The following SRGAP2B variants were observed in gnomAD, a reference collection of about 807,000 sequenced individuals.
SRGAP2B encodes SLIT-ROBO Rho GTPase activating protein 2B.
A neutral mutation model predicts 22.2 loss-of-function variants in SRGAP2B; 9 were observed. The observed-to-expected ratio is 0.41, with a 90% confidence interval of 0.24 to 0.71. The LOEUF (loss-of-function observed/expected upper bound fraction) is 0.71, where lower values mean the gene tolerates loss of function less well. SRGAP2B is among the 30% of genes least tolerant of loss of function. The pLI, the probability that SRGAP2B is intolerant of heterozygous loss-of-function variation, is 0.35. For missense variants in SRGAP2B, 114 were observed against 235.8 expected (o/e 0.48, Z 3.38); for synonymous variants, 36 against 87.4 (o/e 0.41, Z 3.28).
chr1:145,041,369 C>T (rs1486123785), intron 2 of SRGAP2B, among the ~76,000 whole-genome samples: 1 of 134,722 alleles, frequency 7.4e-6, no homozygotes, highest in Non-Finnish European at 1.6e-5. Flanking sequence ...CACCTGTAAT[C>T]GCAGCACCTT....
chr1:145,045,314 G>A (rs1311837768), intron 2 of SRGAP2B, among the ~76,000 whole-genome samples: 1 of 139,872 alleles, frequency 7.1e-6, no homozygotes, highest in Admixed American at 7.2e-5. Context: ...AAAAAAAAAA[G>A]AAAGAAAGAA....
At chr1:144,934,215 G>A (rs1470418378) in intron 4 of SRGAP2B, among the ~76,000 whole-genome samples, 1 of 150,422 alleles carries the variant, frequency 6.6e-6, no homozygotes, top group Non-Finnish European at 1.5e-5. Flanking sequence ...GACTAGCCTG[G>A]CCAACATAGT....
intron 2 of SRGAP2B, among the ~76,000 whole-genome samples, chr1:145,006,684 G>A (rs1246985113): frequency 1.3e-5 from 2 of 150,844 alleles, no homozygotes; most frequent in Admixed American, 1.3e-4. Flanking sequence ...TGATTTAGTT[G>A]ACCACAGTTT....
At chr1:144,966,721 T>C (rs1399287372) in intron 3 of SRGAP2B, among the ~76,000 whole-genome samples, 3 of 147,162 alleles carry the variant, frequency 2.0e-5, no homozygotes, top group African/African-American at 8.1e-5. Flanking sequence ...TCAAGACCCA[T>C]CAGTGTGCTG....
chr1:145,007,481 C>T (rs1210010514), intron 2 of SRGAP2B, among the ~76,000 whole-genome samples: 1 of 150,790 alleles, frequency 6.6e-6, no homozygotes, highest in African/African-American at 2.5e-5. Context: ...GGGGGAACCA[C>T]CTTTTTACCA....
intron 2 of SRGAP2B, among the ~76,000 whole-genome samples, chr1:145,041,849 GTTTATCTT>G (rs1324379172): frequency 7.0e-6 from 1 of 142,378 alleles, no homozygotes; most frequent in Non-Finnish European, 1.5e-5. Context: ...ACCAACTCCT[GTTTATCTT>G]TTTATCTCAG....
At chr1:144,952,860 G>C (rs1666985619) in intron 4 of SRGAP2B, among the ~76,000 whole-genome samples, 1 of 150,424 alleles carries the variant, frequency 6.6e-6, no homozygotes, top group Non-Finnish European at 1.5e-5. Flanking sequence ...GGTTGTTCTT[G>C]AACTTCTGGC....
chr1:144,941,456 G>A (rs1210683733), intron 4 of SRGAP2B, among the ~76,000 whole-genome samples: 1 of 145,546 alleles, frequency 6.9e-6, no homozygotes. Flanking sequence ...GCTGGGAGAA[G>A]CTGGATGTAG....
At chr1:144,922,861 C>T (rs1440000850) in intron 4 of SRGAP2B, among the ~76,000 whole-genome samples, 10 of 150,902 alleles carry the variant, frequency 6.6e-5, no homozygotes, top group Non-Finnish European at 1.0e-4. Flanking sequence ...TTCCTTACGG[C>T]TTTTCTAGAA....
At chr1:144,999,699 CTTA>C (rs1408885711) in intron 2 of SRGAP2B, among the ~76,000 whole-genome samples, 3 of 148,408 alleles carry the variant, frequency 2.0e-5, no homozygotes, top group Non-Finnish European at 4.4e-5. Context: ...ATCATTTTTT[CTTA>C]TTATGTTTTT....
chr1:144,971,489 G>A (rs1668519270), intron 3 of SRGAP2B, among the ~76,000 whole-genome samples: 1 of 150,328 alleles, frequency 6.7e-6, no homozygotes, highest in African/African-American at 2.5e-5. Flanking sequence ...GAGTACACGG[G>A]CATGACCATG....
chr1:144,985,256 C>T lies in SRGAP2B; in HGVS notation c.260+9752G>A, dbSNP rs1325064456. Reference sequence around the variant, plus strand: ...TGTCCTCTAAGAGTTTAGAACAAAACCTCTAAAATAGTCAACAAATATGTG... The same window carrying T: ...TGTCCTCTAAGAGTTTAGAACAAAATCTCTAAAATAGTCAACAAATATGTG... On this transcript the variant is annotated intron_variant, in intron 3 of 9. Coordinates refer to ENST00000612199, the Ensembl canonical transcript of SRGAP2B. 1.6e-3 allele frequency among the ~76,000 whole-genome samples: 222 copies of T among 134,882 alleles called. 4 individuals carry two copies. Among genetic ancestry groups the T allele is most frequent in the Non-Finnish European group, 2.5e-3 (161 of 64,642 alleles). The allele number at this position is 134,882 out of a possible 152,430, so 88.5% of individuals were successfully genotyped here. A position where few individuals can be genotyped will look rare whatever the true frequency, so the allele number is the denominator to read the frequency against.
chr1:145,026,097 AGT>A (rs1376947255), intron 2 of SRGAP2B, among the ~76,000 whole-genome samples: 13 of 83,530 alleles, frequency 1.6e-4, no homozygotes, highest in Non-Finnish European at 2.7e-4. Context: ...TGCTGGGCAC[AGT>A]GGCTCACGCC....
At position 144,904,173 on chromosome 1, in the gene SRGAP2B, C is replaced by T. The variant is rs1455524132; in HGVS notation, c.831+918G>A. 3.3e-5 allele frequency among the ~76,000 whole-genome samples: 5 copies of T among 149,996 alleles called. 1 individual carries two copies. Among genetic ancestry groups the T allele is most frequent in the Non-Finnish European group, 5.9e-5 (4 of 67,834 alleles). ...ACCTTCCTGACAGGACCCTAATTTG[C>T]GCATAACCTTGGACAAGTGAGTCTC... On this transcript the variant is annotated intron_variant, in intron 7 of 9. Transcript: ENST00000612199.
chr1:145,088,312 TCTC>T (rs1354644582), intron 2 of SRGAP2B, among the ~76,000 whole-genome samples: 2 of 115,594 alleles, frequency 1.7e-5, no homozygotes, highest in Non-Finnish European at 3.5e-5. Context: ...TTAAATTTCA[TCTC>T]CTGCTCTTGA....
chr1:144,934,603 A>AGATCAGGGCCCCGCTCTTGAAT (rs1665489526), intron 4 of SRGAP2B, among the ~76,000 whole-genome samples: 1 of 143,192 alleles, frequency 7.0e-6, no homozygotes, highest in Non-Finnish European at 1.5e-5. Flanking sequence ...TCACTGCCTT[A>AGATCAGGGCCCCGCTCTTGAAT]GATCAGGGCC....
intron 2 of SRGAP2B, among the ~76,000 whole-genome samples, chr1:145,080,339 G>C (rs1395386240): frequency 6.7e-6 from 1 of 148,256 alleles, no homozygotes; most frequent in Non-Finnish European, 1.5e-5. Flanking sequence ...ACTAGATCGT[G>C]ATACTTCAAC....
chr1:144,974,845 T>A, intron 3 of SRGAP2B, among the ~76,000 whole-genome samples: 1 of 147,386 alleles, frequency 6.8e-6, no homozygotes, highest in Middle Eastern at 3.4e-3. Context: ...CAGACAATCA[T>A]GGCCTACAGC....
intron 7 of SRGAP2B, among the ~76,000 whole-genome samples, chr1:144,904,081 C>T (rs1212743419): frequency 5.5e-5 from 8 of 145,514 alleles, no homozygotes; most frequent in South Asian, 2.2e-4. Context: ...GCCTATTAAC[C>T]GCTTTCCTCA....
Sources: allele counts gnomAD v4.1 joint callset (sites outside exome capture counted in the v4.1 genomes callset), GRCh38; gene constraint gnomAD v4.1.1; transcripts MANE v1.5; gene names NCBI Gene and HGNC (gene_info 2026-07-23, HGNC 2026-07-21).